DYNC1I1: variants seen among roughly 807,000 people sequenced by gnomAD.
The protein encoded by DYNC1I1 is dynein cytoplasmic 1 intermediate chain 1, also known as cytoplasmic dynein 1 intermediate chain 1.
In DYNC1I1, 43 loss-of-function variants were observed where a neutral mutation model predicts 86.6. The observed-to-expected ratio is 0.50, with a 90% CI of 0.39 to 0.64. The LOEUF (loss-of-function observed/expected upper bound fraction) is 0.64. DYNC1I1 is among the 30% of genes least tolerant of loss of function. DYNC1I1 has a pLI of 0.00. For missense variants in DYNC1I1, 604 were observed against 788.8 expected (o/e 0.77, Z 2.81); for synonymous variants, 262 against 283.7 (o/e 0.92, Z 0.77).
intron 6 of DYNC1I1, among the ~76,000 whole-genome samples, chr7:95,944,187 A>G (rs1792326682): frequency 1.3e-5 from 2 of 152,212 alleles, no homozygotes; most frequent in Admixed American, 1.3e-4. Context: ...AGAAAAAAAC[A>G]AACAACTCCA....
chr7:95,924,641 A>T (rs1441035437), intron 6 of DYNC1I1, among the ~76,000 whole-genome samples: 1 of 152,196 alleles, frequency 6.6e-6, no homozygotes. Flanking sequence ...ACTCATTAGA[A>T]CAATTCTGAG....
intron 16 of DYNC1I1, among the ~76,000 whole-genome samples, chr7:96,082,725 G>T (rs1383834454): frequency 1.3e-5 from 2 of 152,226 alleles, no homozygotes; most frequent in East Asian, 3.9e-4. Context: ...CAATAAAAGT[G>T]ATTTTACAGC....
intron 5 of DYNC1I1, among the ~76,000 whole-genome samples, chr7:95,850,351 AT>A (rs1355185486): frequency 1.3e-5 from 2 of 152,142 alleles, no homozygotes; most frequent in African/African-American, 4.8e-5. Flanking sequence ...TTTGTCATAT[AT>A]GGCCTTTTTA....
chr7:95,985,466 A>G (rs1173342152), intron 8 of DYNC1I1, among the ~76,000 whole-genome samples: 1 of 152,176 alleles, frequency 6.6e-6, no homozygotes, highest in Non-Finnish European at 1.5e-5. Flanking sequence ...TTTAGGAAAC[A>G]TATTAATATA....
At position 95,997,583 on chromosome 7, in the gene DYNC1I1, TTGTGTGTGTGTGTGTGTGTGTGTGTGTG is replaced by T. The variant is rs34117329; in HGVS notation, c.969+1524_969+1551del. 4.2e-5 allele frequency among the ~76,000 whole-genome samples: 6 copies of T among 142,852 alleles called. No homozygotes were observed. In the East Asian group the frequency reaches 1.3e-3, roughly 32 times the overall value. 93.7% of individuals were successfully genotyped at this position (142,852 alleles called of 152,430 possible). A position where few individuals can be genotyped will look rare whatever the true frequency, so the allele number is the denominator to read the frequency against. On this transcript the variant is annotated intron_variant, in intron 10 of 16. Transcript: ENST00000447467. Reference sequence around the variant, plus strand: ...CTAGTATTAATTGAAAAGGGCATTCTTGTGTGTGTGTGTGTGTGTGTGTGTGTGTGTGTGTGTGTGTATCTTTGGGATC... The same window carrying T: ...CTAGTATTAATTGAAAAGGGCATTCTTGTGTGTGTGTGTATCTTTGGGATC...
intron 9 of DYNC1I1, among the ~76,000 whole-genome samples, chr7:95,993,356 A>G (rs1793777468): frequency 6.6e-6 from 1 of 152,224 alleles, no homozygotes; most frequent in Admixed American, 6.5e-5. Flanking sequence ...ATATTTTTAA[A>G]TGGAAAAAGA....
Position 95,869,948 on chromosome 7 carries a change from T to C in DYNC1I1, c.440T>C (p.Val147Ala), listed in dbSNP as rs1790118873. ...GTGGATTTCCTGCCAAGGGAAGTAG[T>C]GTCCTACTCAAAGGAGACCCAGACT... Reference protein sequence around the residue: ...TQVDFLPREVVSYSKETQTPL... With the variant: ...TQVDFLPREVASYSKETQTPL... Residue 147 changes from valine (V) to alanine (A), a missense_variant, in exon 6 of 17, where the codon GTG becomes GCG. Coordinates refer to ENST00000447467, the MANE Select transcript of DYNC1I1 (RefSeq NM_001135556.2). 1 of 1,614,028 alleles carries C rather than the reference T, an allele frequency of 6.2e-7. No homozygotes were observed.
chr7:95,792,215 G>A (rs1794321353), intron 1 of DYNC1I1, among the ~76,000 whole-genome samples: 1 of 152,270 alleles, frequency 6.6e-6, no homozygotes, highest in Admixed American at 6.5e-5. Flanking sequence ...ACATGTTCCA[G>A]CAGAACTACG....
intron 1 of DYNC1I1, among the ~76,000 whole-genome samples, chr7:95,800,542 G>A (rs948682706): frequency 6.6e-5 from 10 of 152,148 alleles, no homozygotes; most frequent in Non-Finnish European, 1.3e-4. Context: ...TGAGCAGGAG[G>A]TGCAAAAGTG....
At chr7:95,842,415 G>T (rs1013362849) in intron 5 of DYNC1I1, among the ~76,000 whole-genome samples, 1 of 152,172 alleles carries the variant, frequency 6.6e-6, no homozygotes, top group African/African-American at 2.4e-5. Flanking sequence ...AGGTGCGGGG[G>T]CTTTAAGACT....
intron 14 of DYNC1I1, among the ~76,000 whole-genome samples, chr7:96,045,744 G>C (rs1055244774): frequency 1.3e-5 from 2 of 152,162 alleles, no homozygotes; most frequent in Non-Finnish European, 2.9e-5. Context: ...TGAGGTTGGA[G>C]GCAAAGGCAT....
chr7:95,825,114 T>G (rs1795176121), intron 4 of DYNC1I1, among the ~76,000 whole-genome samples: 1 of 152,246 alleles, frequency 6.6e-6, no homozygotes, highest in Non-Finnish European at 1.5e-5. Context: ...AACATAGGTG[T>G]GCCAGGAGGC....
At chr7:95,977,121 GT>G (rs1793325405) in intron 6 of DYNC1I1, among the ~76,000 whole-genome samples, 1 of 152,158 alleles carries the variant, frequency 6.6e-6, no homozygotes, top group Non-Finnish European at 1.5e-5. Context: ...TTGGAAATGA[GT>G]CATCTGTACA....
intron 6 of DYNC1I1, among the ~76,000 whole-genome samples, chr7:95,964,313 G>A (rs1248576337): frequency 2.0e-5 from 3 of 152,164 alleles, no homozygotes; most frequent in Non-Finnish European, 4.4e-5. Context: ...CCACTTCAAA[G>A]AACCAGATCT....
At chr7:95,833,709 G>C (rs948742567) in intron 5 of DYNC1I1, among the ~76,000 whole-genome samples, 2 of 148,202 alleles carry the variant, frequency 1.3e-5, no homozygotes, top group Non-Finnish European at 3.0e-5. Flanking sequence ...TGGATTCCTA[G>C]GTATTTTATT....
intron 6 of DYNC1I1, among the ~76,000 whole-genome samples, chr7:95,895,402 T>G (rs1351612613): frequency 1.3e-5 from 2 of 152,212 alleles, no homozygotes; most frequent in Non-Finnish European, 2.9e-5. Context: ...GTTGAGTTCT[T>G]CGGCAATTTC....
intron 16 of DYNC1I1, among the ~76,000 whole-genome samples, chr7:96,109,808 T>C (rs1461081482): frequency 6.6e-6 from 1 of 152,190 alleles, no homozygotes; most frequent in African/African-American, 2.4e-5. Context: ...GCCCATATTA[T>C]AGATTACCTT....
rs201081768 is a variant in DYNC1I1 at position 96,034,021 on chromosome 7, AATTATT to A, written c.1230+1253_1230+1258del. Among the ~76,000 whole-genome samples, 995 of 148,924 alleles carry A rather than the reference AATTATT, an allele frequency of 6.7e-3. 7 individuals carry two copies. The highest frequency in any genetic ancestry group is 0.023 in the African/African-American group (944 of 41,272). ...TGAGACTTTGTCTCTTGAAAAAAAT[AATTATT>A]ATTATTATTATACACACACACATGC... On this transcript the variant is annotated intron_variant, in intron 12 of 16. Coordinates refer to ENST00000447467, the MANE Select transcript of DYNC1I1 (RefSeq NM_001135556.2).
chr7:95,984,105 C>T (rs1217394954), intron 7 of DYNC1I1, among the ~76,000 whole-genome samples: 1 of 152,128 alleles, frequency 6.6e-6, no homozygotes, highest in Non-Finnish European at 1.5e-5. Flanking sequence ...TATTTGATCT[C>T]TTTGTCTCAT....
Sources: allele counts gnomAD v4.1 joint callset (sites outside exome capture counted in the v4.1 genomes callset), GRCh38; gene constraint gnomAD v4.1.1; transcripts MANE v1.5; gene names NCBI Gene and HGNC (gene_info 2026-07-23, HGNC 2026-07-21).